CCT2: variants seen among roughly 807,000 people sequenced by gnomAD.
CCT2 encodes the protein chaperonin containing TCP1 subunit 2.
Under a neutral mutation model 61.8 loss-of-function variants are expected in CCT2, and 18 were observed. That is an observed-to-expected ratio of 0.29 (90% confidence interval 0.20 to 0.43). CCT2 has a LOEUF of 0.43. CCT2 is among the 20% of genes least tolerant of loss of function. The pLI is 1.00. For missense variants in CCT2, 556 were observed against 656.9 expected, an observed-to-expected ratio of 0.85 and a Z score of 1.68; for synonymous variants, 248 against 215.9, an observed-to-expected ratio of 1.15 and a Z score of -1.30.
intron 10 of CCT2, 35 bp downstream of exon 10, chr12:69,593,648 A>T: frequency 8.0e-7 from 1 of 1,245,360 alleles, no homozygotes; most frequent in East Asian, 2.3e-5. Flanking sequence ...TAACAAACAC[A>T]ATAGTCACTC....
intron 7 of CCT2, among the ~76,000 whole-genome samples, chr12:69,590,499 AT>A (rs1881803108): frequency 6.6e-6 from 1 of 152,172 alleles, no homozygotes; most frequent in Non-Finnish European, 1.5e-5. Context: ...TCATCTTCAC[AT>A]TATATTTACT....
rs187932920 is a variant in CCT2, at chr12:69,601,490, G to A, written c.*165G>A. On this transcript the variant is annotated 3_prime_UTR_variant, in exon 16 of 16. Coordinates refer to ENST00000299300, the MANE Select transcript of CCT2 (RefSeq NM_006431.3). ...TTAACATAGGTCTAATTTATTTGCCGTGTCATTTTCCATACAAATCAGTTG... is the reference window on the plus strand; with the variant it reads ...TTAACATAGGTCTAATTTATTTGCCATGTCATTTTCCATACAAATCAGTTG... 723 of 1,485,402 alleles carry A rather than the reference G, an allele frequency of 4.9e-4. 2 individuals are homozygous for A. Among genetic ancestry groups the A allele is most frequent in the South Asian group, 1.8e-3 (136 of 75,430 alleles). 92.0% of individuals were successfully genotyped at this position (1,485,402 alleles called of 1,614,324 possible). A position where few individuals can be genotyped will look rare whatever the true frequency, so the allele number is the denominator to read the frequency against.
chr12:69,593,768 C>A (rs763427458), intron 10 of CCT2, among the ~76,000 whole-genome samples, 155 bp downstream of exon 10: 11 of 152,156 alleles, frequency 7.2e-5, no homozygotes, highest in Non-Finnish European at 1.2e-4. Flanking sequence ...TACATAGATA[C>A]ATTACATTTA....
Position 69,601,353 on chromosome 12 carries a change from A to C in CCT2, c.*28A>C. ...ATTCCCACGTGCTGTCGATCTTTGG[A>C]CCAGTTTCTAGCAAAGTTGTGTTTG... On this transcript the variant is annotated 3_prime_UTR_variant, in exon 16 of 16. Transcript: ENST00000299300. The C allele has an allele frequency of 6.2e-7, 1 of 1,613,948 alleles. No homozygotes were observed. The highest frequency in any genetic ancestry group is 8.5e-7 in the Non-Finnish European group (1 of 1,179,910).
rs778533150 is a variant in CCT2 at position 69,587,644 on chromosome 12, C to T, written c.256+28C>T. On this transcript the variant is annotated intron_variant, in intron 4 of 15. Coordinates refer to ENST00000299300, the MANE Select transcript of CCT2 (RefSeq NM_006431.3). ...AAGTCTGAATATACTTTTTCACCAACCTAATAATACTGTTTGTTAACATTT... is the reference window on the plus strand; with the variant it reads ...AAGTCTGAATATACTTTTTCACCAATCTAATAATACTGTTTGTTAACATTT... 13 of 1,309,622 alleles carry T rather than the reference C, an allele frequency of 9.9e-6. No homozygotes were observed. The East Asian group carries it at 2.1e-4, about 21-fold the overall frequency. The allele number at this position is 1,309,622 out of a possible 1,614,324, so 81.1% of individuals were successfully genotyped here.
rs775799620 is a variant in CCT2, at chr12:69,588,195, A to T, written c.379A>T (p.Ile127Leu). ...AAAAAAGATTCATCCACAGACCATC[A>T]TAGCGGGTTGGAGAGAAGCCACGAA... Reference protein sequence around the residue: ...IAKKIHPQTIIAGWREATKAA... With the variant: ...IAKKIHPQTILAGWREATKAA... Residue 127 changes from isoleucine (I) to leucine (L), a missense_variant, in exon 6 of 16, where the codon ATA (isoleucine) becomes TTA (leucine). Transcript: ENST00000299300. The T allele has an allele frequency of 6.2e-7, 1 of 1,614,190 alleles. No individual in the cohort carries two copies. The highest frequency in any genetic ancestry group is 2.2e-5 in the East Asian group (1 of 44,882).
intron 10 of CCT2, among the ~76,000 whole-genome samples, chr12:69,596,070 CTCTT>C (rs1293350813): frequency 6.6e-6 from 1 of 152,178 alleles, no homozygotes; most frequent in African/African-American, 2.4e-5. Context: ...AAGACACTCT[CTCTT>C]TAAAAAGAAA....
chr12:69,598,243 A>G (rs1882047838), intron 13 of CCT2, 79 bp from the exon 14 acceptor site: 1 of 1,146,522 alleles, frequency 8.7e-7, no homozygotes, highest in Non-Finnish European at 1.3e-6. Flanking sequence ...GTATAATTTT[A>G]AAAAGCTATC....
intron 13 of CCT2, 67 bp from the exon 14 acceptor site, chr12:69,598,255 T>A (rs1320068101): frequency 1.7e-6 from 2 of 1,197,568 alleles, no homozygotes; most frequent in African/African-American, 1.5e-5. Flanking sequence ...AAAGCTATCC[T>A]AGTTAGGAGT....
At position 69,589,662 on chromosome 12, in the gene CCT2, T is replaced by C; in HGVS notation, c.624T>C (p.Ser208=). The C allele has an allele frequency of 6.2e-7, 1 of 1,613,154 alleles. No homozygotes were observed. Among genetic ancestry groups the C allele is most frequent in the Non-Finnish European group, 8.5e-7 (1 of 1,179,918 alleles). Residue 208 remains serine (S), a synonymous_variant, in exon 7 of 16, where the codon AGT becomes AGC. Transcript: ENST00000299300. ...AIHIIKKLGG[S]LADSYLDEGF... ...ATATTATCAAGAAGCTAGGAGGAAG[T>C]TTGGCAGATTCCTATTTAGATGAAG... is the stretch of plus-strand genomic sequence containing the variant.
At position 69,601,361 on chromosome 12, in the gene CCT2, C is replaced by T. The variant is rs774579072; in HGVS notation, c.*36C>T. ...GTGCTGTCGATCTTTGGACCAGTTT[C>T]TAGCAAAGTTGTGTTTGAAAGATAC... On this transcript the variant is annotated 3_prime_UTR_variant, in exon 16 of 16. Transcript: ENST00000299300. The T allele has an allele frequency of 3.1e-6, 5 of 1,613,864 alleles. No individual in the cohort carries two copies. Among genetic ancestry groups the T allele is most frequent in the Non-Finnish European group, 3.4e-6 (4 of 1,179,928 alleles).
chr12:69,585,772 C>T, intron 1 of CCT2: 1 of 1,402,518 alleles, frequency 7.1e-7, no homozygotes, highest in Non-Finnish European at 9.3e-7. Flanking sequence ...GTCCCGGCAG[C>T]CCAGGTCCGC....
intron 7 of CCT2, among the ~76,000 whole-genome samples, chr12:69,591,714 G>T (rs1881840085): frequency 6.6e-6 from 1 of 152,052 alleles, no homozygotes; most frequent in Admixed American, 6.6e-5. Context: ...TCTTCTAGTG[G>T]GATGCTTTAT....
In CCT2 at chr12:69,585,902, G is replaced by A. The variant is rs1357446558; in HGVS notation, c.4-368G>A. The stretch of plus-strand genomic sequence containing the variant: ...GGTGGAGGGGCCGCAGCCTTCCGAG[G>A]GTGGAAGATGGAGGCCGCGTTCCCT... On this transcript the variant is annotated intron_variant, in intron 1 of 15. Coordinates refer to ENST00000299300, the MANE Select transcript of CCT2 (RefSeq NM_006431.3). 7.1e-6 allele frequency: 9 copies of A among 1,276,330 alleles called. No individual in the cohort carries two copies. In the Admixed American group the frequency reaches 1.1e-4, roughly 16 times the overall value. 79.1% of individuals were successfully genotyped at this position (1,276,330 alleles called of 1,614,324 possible). A position where few individuals can be genotyped will look rare whatever the true frequency, so the allele number is the denominator to read the frequency against.
At chr12:69,599,800 CA>C (rs1250173505) in intron 14 of CCT2, 62 bp from the exon 15 acceptor site, 10 of 1,312,564 alleles carry the variant, frequency 7.6e-6, no homozygotes, top group Non-Finnish European at 1.1e-5. Flanking sequence ...TATTATAAAT[CA>C]TTAGAGATGT....
At chr12:69,600,127 T>TTATTTAAAA in intron 15 of CCT2, 123 bp downstream of exon 15, 1 of 906,904 alleles carries the variant, frequency 1.1e-6, no homozygotes, top group Non-Finnish European at 1.6e-6. Flanking sequence ...AGTATGTAAG[T>TTATTTAAAA]TATTTAAAAT....
chr12:69,586,018 C>T (rs976937475), intron 1 of CCT2: 2 of 1,368,132 alleles, frequency 1.5e-6, no homozygotes, highest in South Asian at 1.6e-5. Context: ...CTGTACGTAA[C>T]TGTCAATCTC....
Position 69,597,169 on chromosome 12 carries a change from C to G in CCT2, c.996C>G (p.Ala332=). 1.2e-6 allele frequency: 2 copies of G among 1,613,700 alleles called. No individual in the cohort carries two copies. Among genetic ancestry groups the G allele is most frequent in the Non-Finnish European group, 1.7e-6 (2 of 1,179,732 alleles). Residue 332 remains alanine (A), a synonymous_variant, in exon 11 of 16, where the codon GCC becomes GCG. Coordinates refer to ENST00000299300, the MANE Select transcript of CCT2 (RefSeq NM_006431.3). ...RLALVTGGEI[A]STFDHPELVK... Reference sequence around the variant, plus strand: ...TTATGTTTATAGGTGGTGAAATTGCCTCTACCTTTGATCACCCAGAACTGG... The same window carrying G: ...TTATGTTTATAGGTGGTGAAATTGCGTCTACCTTTGATCACCCAGAACTGG...
At chr12:69,585,928 C>T in intron 1 of CCT2, 1 of 1,262,946 alleles carries the variant, frequency 7.9e-7, no homozygotes, top group Non-Finnish European at 1.0e-6. Flanking sequence ...CGCGTTCCCT[C>T]GCCCGCCCGG....
Sources: gnomAD v4.1 joint callset for allele counts (sites outside exome capture counted in the v4.1 genomes callset) on GRCh38, gnomAD v4.1.1 for gene constraint, MANE v1.5 for transcripts, NCBI Gene and HGNC (gene_info 2026-07-23, HGNC 2026-07-21) for gene names.